The following XKR6 variants were observed in gnomAD, a reference collection of about 807,000 sequenced individuals.
XKR6 encodes the protein XK-related protein 6.
Under a neutral mutation model 56.7 loss-of-function variants are expected in XKR6, and 22 were observed. That is an observed-to-expected ratio of 0.39 (90% CI 0.28 to 0.55). The LOEUF is 0.55. Among genes scored for constraint, XKR6 ranks in the 20% least tolerant of loss-of-function variants. XKR6 has a pLI of 0.66. For missense variants in XKR6, 852 were observed against 889.0 expected, an observed-to-expected ratio of 0.96 and a Z score of 0.53; for synonymous variants, 524 against 387.8, an observed-to-expected ratio of 1.35 and a Z score of -4.13.
At chr8:11,118,273 T>A (rs575149457) in intron 1 of XKR6, among the ~76,000 whole-genome samples, 1 of 152,236 alleles carries the variant, frequency 6.6e-6, no homozygotes, top group Non-Finnish European at 1.5e-5. Context: ...CTTTCTTTTC[T>A]TTTGTTGTAT....
At chr8:11,094,503 C>T (rs954524086) in intron 1 of XKR6, among the ~76,000 whole-genome samples, 3 of 152,142 alleles carry the variant, frequency 2.0e-5, no homozygotes, top group African/African-American at 7.2e-5. Context: ...ATCTACTTTT[C>T]ATTTGGGGGC....
chr8:11,121,475 C>A (rs1031063683), intron 1 of XKR6, among the ~76,000 whole-genome samples: 7 of 152,170 alleles, frequency 4.6e-5, no homozygotes, highest in Admixed American at 3.9e-4. Flanking sequence ...CAAATTAAAA[C>A]CACAATGAGA....
chr8:11,156,828 C>A (rs1194596688), intron 1 of XKR6, among the ~76,000 whole-genome samples: 1 of 152,110 alleles, frequency 6.6e-6, no homozygotes, highest in African/African-American at 2.4e-5. Context: ...ACCACAGACA[C>A]AGATGCACAC....
chr8:11,120,722 T>A (rs1445716549), intron 1 of XKR6, among the ~76,000 whole-genome samples: 7 of 152,162 alleles, frequency 4.6e-5, no homozygotes, highest in Non-Finnish European at 7.3e-5. Flanking sequence ...AGAGCCCGCA[T>A]CGCCAAGTCA....
chr8:11,178,037 T>C (rs916406249), intron 1 of XKR6, among the ~76,000 whole-genome samples: 4 of 152,084 alleles, frequency 2.6e-5, no homozygotes, highest in Non-Finnish European at 4.4e-5. Context: ...AGGCAGGAGA[T>C]TGCCACAGCA....
chr8:11,189,005 C>T (rs1045011467), intron 1 of XKR6, among the ~76,000 whole-genome samples: 1 of 152,200 alleles, frequency 6.6e-6, no homozygotes, highest in African/African-American at 2.4e-5. Context: ...CCAACTCCCC[C>T]TCATCCCCTC....
chr8:11,099,769 C>T (rs761926838), intron 1 of XKR6, among the ~76,000 whole-genome samples: 5 of 152,106 alleles, frequency 3.3e-5, no homozygotes, highest in Admixed American at 1.3e-4. Flanking sequence ...ATATATTTAG[C>T]GGAGGAGACA....
Position 11,201,239 on chromosome 8 carries a change from G to T in XKR6, c.101C>A (p.Pro34His), listed in dbSNP as rs767756713. 9.6e-6 allele frequency: 15 copies of T among 1,558,948 alleles called. No individual in the cohort carries two copies. The South Asian group carries it at 1.6e-4, about 17-fold the overall frequency. The change falls in exon 1 of 3, where the codon CCC (proline) becomes CAC (histidine). Residue 34 changes from proline (P) to histidine (H), a missense_variant. Around this residue, in one of 4 missense-constraint regions of XKR6, gnomAD observed 417 missense variants for 355.2 expected, o/e 1.17. Coordinates refer to ENST00000416569, the MANE Select transcript of XKR6 (RefSeq NM_173683.4). ...VGSGGEEDGE[P>H]GGGGCGGGGD... ...GCCGCCGCCGCAGCCGCCTCCCCCGGGCTCCCCGTCCTCCTCGCCGCCGCT... is the reference window on the plus strand; with the variant it reads ...GCCGCCGCCGCAGCCGCCTCCCCCGTGCTCCCCGTCCTCCTCGCCGCCGCT...
intron 1 of XKR6, among the ~76,000 whole-genome samples, chr8:11,161,269 T>C (rs1279314291): frequency 6.6e-6 from 1 of 152,190 alleles, no homozygotes; most frequent in Non-Finnish European, 1.5e-5. Context: ...TCTAGAGTTA[T>C]CTTGCCACCA....
At chr8:11,167,890 TAAA>T (rs34853825) in intron 1 of XKR6, among the ~76,000 whole-genome samples, 16,130 of 107,950 alleles carry the variant, frequency 0.15, 1,710 homozygotes, top group African/African-American at 0.32. Flanking sequence ...CCCCATCTCT[TAAA>T]AAAAAAAAAA....
At chr8:11,100,371 A>T (rs1285235938) in intron 1 of XKR6, among the ~76,000 whole-genome samples, 1 of 152,208 alleles carries the variant, frequency 6.6e-6, no homozygotes, top group Non-Finnish European at 1.5e-5. Context: ...TTAAAAAAGA[A>T]TAGAATTTAT....
chr8:11,180,629 G>C (rs940493900), intron 1 of XKR6, among the ~76,000 whole-genome samples: 1 of 152,214 alleles, frequency 6.6e-6, no homozygotes, highest in African/African-American at 2.4e-5. Context: ...TGACTGGACG[G>C]CACAGTGGCT....
chr8:11,057,548 T>A (rs888247287), intron 1 of XKR6, among the ~76,000 whole-genome samples: 1 of 152,244 alleles, frequency 6.6e-6, no homozygotes, highest in Non-Finnish European at 1.5e-5. Context: ...TTTGCCCTCA[T>A]TTCACACATG....
At chr8:11,075,166 G>A (rs1308599705) in intron 1 of XKR6, among the ~76,000 whole-genome samples, 1 of 152,152 alleles carries the variant, frequency 6.6e-6, no homozygotes, top group Non-Finnish European at 1.5e-5. Flanking sequence ...GCCATGGCTT[G>A]AACTCTGGGG....
intron 1 of XKR6, among the ~76,000 whole-genome samples, chr8:11,000,923 T>A (rs1798223944): frequency 6.6e-6 from 1 of 152,134 alleles, no homozygotes; most frequent in Non-Finnish European, 1.5e-5. Context: ...CATCAACCAA[T>A]GCCTACACCC....
intron 1 of XKR6, among the ~76,000 whole-genome samples, chr8:11,168,082 G>C (rs1802179463): frequency 6.6e-6 from 1 of 152,060 alleles, no homozygotes; most frequent in South Asian, 2.1e-4. Flanking sequence ...CGGTGAAAGA[G>C]GAGACTCTGA....
Position 10,897,930 on chromosome 8 carries a change from T to G in XKR6, c.*22A>C. 1 of 1,533,162 alleles carries G rather than the reference T, an allele frequency of 6.5e-7. No homozygotes were observed. Among genetic ancestry groups the G allele is most frequent in the Non-Finnish European group, 8.8e-7 (1 of 1,140,642 alleles). 95.0% of individuals were successfully genotyped at this position (1,533,162 alleles called of 1,614,324 possible). On this transcript the variant is annotated 3_prime_UTR_variant, in exon 3 of 3. Transcript: ENST00000416569. Reference sequence around the variant, plus strand: ...CCGCAAACCAAACTTAAGGTCCCCTTCTCAACTTGGTCAAGATGCTCTTAG... The same window carrying G: ...CCGCAAACCAAACTTAAGGTCCCCTGCTCAACTTGGTCAAGATGCTCTTAG...
At chr8:11,135,868 G>A (rs916572455) in intron 1 of XKR6, among the ~76,000 whole-genome samples, 8 of 151,918 alleles carry the variant, frequency 5.3e-5, no homozygotes, top group African/African-American at 1.9e-4. Context: ...ATACAGAAAA[G>A]TACATTTTTA....
At chr8:11,101,769 T>C (rs1798494573) in intron 1 of XKR6, among the ~76,000 whole-genome samples, 1 of 152,204 alleles carries the variant, frequency 6.6e-6, no homozygotes, top group Non-Finnish European at 1.5e-5. Flanking sequence ...CATTTGACCC[T>C]GCTCACCATT....
Sources: allele counts gnomAD v4.1 joint callset (sites outside exome capture counted in the v4.1 genomes callset), GRCh38; gene constraint gnomAD v4.1.1; regional missense constraint gnomAD v4.1.1; transcripts MANE v1.5; gene names NCBI Gene and HGNC (gene_info 2026-07-23, HGNC 2026-07-21).